Variants in SSH2 observed in about 807,000 individuals in gnomAD.
The protein encoded by SSH2 is slingshot protein phosphatase 2.
Under a neutral mutation model 135.2 loss-of-function variants are expected in SSH2, and 37 were observed. The observed-to-expected ratio is 0.27, with a 90% confidence interval of 0.21 to 0.36. SSH2 has a LOEUF of 0.36. Among genes scored for constraint, SSH2 ranks in the 10% least tolerant of loss-of-function variants. The probability of loss-of-function intolerance (pLI) is 1.00; values close to 1 mark genes in which losing one functional copy is unlikely to be tolerated. For missense variants in SSH2, 1,408 were observed against 1,765.3 expected (o/e 0.80, Z 3.63); for synonymous variants, 628 against 646.2 (o/e 0.97, Z 0.43).
intron 3 of SSH2, among the ~76,000 whole-genome samples, chr17:29,771,708 C>G (rs2041589460): frequency 6.6e-6 from 1 of 152,146 alleles, no homozygotes; most frequent in Non-Finnish European, 1.5e-5. Context: ...CTTTCAGGAG[C>G]CAAAAGTTCA....
intron 2 of SSH2, among the ~76,000 whole-genome samples, chr17:29,827,933 T>A (rs1440543700): frequency 6.6e-6 from 1 of 152,206 alleles, no homozygotes; most frequent in East Asian, 1.9e-4. Context: ...AACCTCTGCT[T>A]ACCTTCCTGC....
intron 1 of SSH2, among the ~76,000 whole-genome samples, chr17:29,889,011 G>A (rs1428409092): frequency 2.7e-5 from 4 of 148,950 alleles, no homozygotes; most frequent in African/African-American, 9.9e-5. Flanking sequence ...AAAATTAAAG[G>A]CATTGTATAT....
At chr17:29,752,236 T>G (rs1170652697) in intron 3 of SSH2, among the ~76,000 whole-genome samples, 1 of 152,106 alleles carries the variant, frequency 6.6e-6, no homozygotes, top group Non-Finnish European at 1.5e-5. Flanking sequence ...ATAAAAATAG[T>G]TAGGACACTG....
intron 1 of SSH2, among the ~76,000 whole-genome samples, chr17:29,873,523 C>T (rs1162762495): frequency 6.6e-6 from 1 of 151,698 alleles, no homozygotes; most frequent in Non-Finnish European, 1.5e-5. Flanking sequence ...CGCCCTGCTG[C>T]ACTCCAGCTT....
At position 29,762,303 on chromosome 17, in the gene SSH2, A is replaced by G. The variant is rs924155068; in HGVS notation, c.188+31591T>C. 2.0e-5 allele frequency among the ~76,000 whole-genome samples: 3 copies of G among 152,150 alleles called. 1 individual carries two copies. Among genetic ancestry groups the G allele is most frequent in the South Asian group, 4.1e-4 (2 of 4,824 alleles). On this transcript the variant is annotated intron_variant, in intron 3 of 15. Transcript: ENST00000540801. ...AGAGGGCTTTCTTAGCCATCCCCCA[A>G]TTCAAAGATTCACAGCCTTAGCTGC...
In SSH2 at chr17:29,651,259, A is replaced by G. The variant is rs1354021186; in HGVS notation, c.1080-459T>C. On this transcript the variant is annotated intron_variant, in intron 12 of 15. Coordinates refer to ENST00000540801, the MANE Select transcript of SSH2 (RefSeq NM_001282129.2). ...CCCCAAGTGAAAAAAGAGAGAATGA[A>G]TAACGATTTCTTCCTATTTTTCTAA... is the stretch of plus-strand genomic sequence containing the variant. Among the ~76,000 whole-genome samples the G allele has an allele frequency of 3.3e-5, 5 of 152,332 alleles. No individual in the cohort carries two copies. The East Asian group carries it at 7.7e-4, about 23-fold the overall frequency.
intron 3 of SSH2, among the ~76,000 whole-genome samples, chr17:29,708,215 GATTT>G (rs1567902114): frequency 6.6e-6 from 1 of 152,152 alleles, no homozygotes; most frequent in African/African-American, 2.4e-5. Flanking sequence ...AATAGTAAAA[GATTT>G]ATTATGTAAA....
At chr17:29,788,801 T>C (rs1336462091) in intron 3 of SSH2, among the ~76,000 whole-genome samples, 1 of 152,132 alleles carries the variant, frequency 6.6e-6, no homozygotes, top group Non-Finnish European at 1.5e-5. Flanking sequence ...AGTTTTGAAG[T>C]GCATGCTAGA....
chr17:29,769,846 A>T (rs1298149513), intron 3 of SSH2, among the ~76,000 whole-genome samples: 1 of 152,158 alleles, frequency 6.6e-6, no homozygotes, highest in African/African-American at 2.4e-5. Context: ...ACTATGTTAC[A>T]TGCTGATTAT....
rs1412617104 is a variant in SSH2 at position 29,713,117 on chromosome 17, C to T, written c.189-10055G>A. On this transcript the variant is annotated intron_variant, in intron 3 of 15. Transcript: ENST00000540801. Reference sequence around the variant, plus strand: ...TTGGGAGGCTGAGGCGGGTGGATCACGACATCAGGAGTTCGAGACTATCCT... The same window carrying T: ...TTGGGAGGCTGAGGCGGGTGGATCATGACATCAGGAGTTCGAGACTATCCT... Among the ~76,000 whole-genome samples the T allele has an allele frequency of 5.3e-5, 8 of 152,100 alleles. No homozygotes were observed. The South Asian group carries it at 1.2e-3, about 24-fold the overall frequency.
intron 1 of SSH2, among the ~76,000 whole-genome samples, chr17:29,909,316 C>T (rs1362167621): frequency 2.6e-5 from 4 of 152,018 alleles, no homozygotes; most frequent in African/African-American, 9.7e-5. Flanking sequence ...CATGGCAATG[C>T]TTGTATAGCT....
intron 3 of SSH2, among the ~76,000 whole-genome samples, chr17:29,715,277 G>C (rs1214833189): frequency 6.7e-6 from 1 of 148,950 alleles, no homozygotes; most frequent in Non-Finnish European, 1.5e-5. Context: ...ATGGAGTCTC[G>C]CTCTGTTGCT....
chr17:29,640,015 C>T (rs1226854085), intron 14 of SSH2, among the ~76,000 whole-genome samples: 1 of 152,044 alleles, frequency 6.6e-6, no homozygotes, highest in Non-Finnish European at 1.5e-5. Flanking sequence ...TTTCACTCTT[C>T]TAATAACAGA....
intron 2 of SSH2, among the ~76,000 whole-genome samples, chr17:29,800,013 T>A (rs1045965763): frequency 6.6e-6 from 1 of 152,190 alleles, no homozygotes; most frequent in African/African-American, 2.4e-5. Flanking sequence ...TAAAGTAATA[T>A]CCTTTGCATC....
rs561938039 is a variant in SSH2, at chr17:29,877,587, T to C, written c.64-28658A>G. The stretch of plus-strand genomic sequence containing the variant: ...TCATTTGCAACAACATGAATGAAAC[T>C]GGAGGTCATTACTTTAAGTGAAATA... On this transcript the variant is annotated intron_variant, in intron 1 of 15. Coordinates refer to ENST00000540801, the MANE Select transcript of SSH2 (RefSeq NM_001282129.2). Among the ~76,000 whole-genome samples the C allele has an allele frequency of 2.6e-5, 4 of 152,318 alleles. No individual in the cohort carries two copies. The South Asian group carries it at 6.2e-4, about 24-fold the overall frequency.
chr17:29,670,070 C>T (rs1435270006), intron 9 of SSH2, among the ~76,000 whole-genome samples: 5 of 151,762 alleles, frequency 3.3e-5, no homozygotes, highest in Admixed American at 6.6e-5. Flanking sequence ...TTAGTAGAGA[C>T]GGGGTTTCAC....
At chr17:29,773,969 C>T (rs1307653817) in intron 3 of SSH2, among the ~76,000 whole-genome samples, 1 of 152,146 alleles carries the variant, frequency 6.6e-6, no homozygotes, top group East Asian at 1.9e-4. Context: ...CACGCCCAGC[C>T]ATTTGGGTTA....
intron 3 of SSH2, among the ~76,000 whole-genome samples, chr17:29,752,345 A>G (rs1351010160): frequency 1.3e-5 from 2 of 152,222 alleles, no homozygotes; most frequent in Non-Finnish European, 2.9e-5. Context: ...AAACATGAAC[A>G]GAACTTAAGA....
intron 1 of SSH2, among the ~76,000 whole-genome samples, chr17:29,926,615 G>A (rs1206424493): frequency 6.6e-6 from 1 of 151,172 alleles, no homozygotes; most frequent in African/African-American, 2.4e-5. Context: ...AACCTCAGCA[G>A]ACTCTCCACT....
Sources: gnomAD v4.1 joint callset for allele counts (sites outside exome capture counted in the v4.1 genomes callset) on GRCh38, gnomAD v4.1.1 for gene constraint, MANE v1.5 for transcripts, NCBI Gene and HGNC (gene_info 2026-07-23, HGNC 2026-07-21) for gene names.